SCFD2: variants seen among roughly 807,000 people sequenced by gnomAD.
SCFD2 encodes sec1 family domain-containing protein 2.
A neutral mutation model predicts 58.9 loss-of-function variants in SCFD2; 54 were observed. That is an observed-to-expected ratio of 0.92 (90% confidence interval 0.74 to 1.15). The LOEUF is 1.15. Among genes scored for constraint, SCFD2 ranks in the 50% most tolerant of loss-of-function variants. The pLI, the probability that SCFD2 is intolerant of heterozygous loss-of-function variation, is 0.00. For synonymous variants in SCFD2, 321 were observed against 335.9 expected (o/e 0.96, Z 0.49); for missense variants, 805 against 836.6 (o/e 0.96, Z 0.47).
chr4:52,924,846 T>G (rs993577956), intron 5 of SCFD2, among the ~76,000 whole-genome samples: 1 of 152,190 alleles, frequency 6.6e-6, no homozygotes, highest in Non-Finnish European at 1.5e-5. Flanking sequence ...AACTTCTCCA[T>G]GTATGCTGCC....
rs1726500658 is a variant in SCFD2 at position 53,151,388 on chromosome 4, G to A, written c.1312-5806C>T. 1.3e-5 allele frequency among the ~76,000 whole-genome samples: 2 copies of A among 152,166 alleles called. 1 individual carries two copies. Among genetic ancestry groups the A allele is most frequent in the South Asian group, 4.1e-4 (2 of 4,824 alleles). On this transcript the variant is annotated intron_variant, in intron 4 of 8. Transcript: ENST00000401642. ...TGTGTCTAGAGTGACAAAACCTTTT[G>A]TTTATCTGAAGTCTGGGGCTCCTGT...
chr4:53,177,415 G>C (rs1428674842), intron 4 of SCFD2, among the ~76,000 whole-genome samples: 2 of 140,444 alleles, frequency 1.4e-5, no homozygotes, highest in African/African-American at 5.3e-5. Flanking sequence ...TAGGAGAAGG[G>C]AGAGGGTATT....
intron 5 of SCFD2, among the ~76,000 whole-genome samples, chr4:52,970,920 A>G (rs1444210304): frequency 5.3e-5 from 8 of 152,144 alleles, no homozygotes; most frequent in Non-Finnish European, 1.2e-4. Context: ...CTAGAGTGGA[A>G]CTCCAGCAAA....
chr4:53,234,398 G>C (rs1199052143), intron 4 of SCFD2, among the ~76,000 whole-genome samples: 2 of 152,182 alleles, frequency 1.3e-5, no homozygotes, highest in African/African-American at 4.8e-5. Flanking sequence ...CTTGGAAGTA[G>C]TAAAGTTTAT....
intron 4 of SCFD2, among the ~76,000 whole-genome samples, chr4:53,235,326 A>G (rs905412933): frequency 2.0e-5 from 3 of 152,230 alleles, no homozygotes; most frequent in African/African-American, 7.2e-5. Context: ...ACTCTGGTAA[A>G]CCATGTAAAC....
chr4:53,150,334 C>T (rs1560358668), intron 4 of SCFD2, among the ~76,000 whole-genome samples: 1 of 152,092 alleles, frequency 6.6e-6, no homozygotes, highest in African/African-American at 2.4e-5. Context: ...GTAAAGTCTC[C>T]ATCAGTGGCA....
chr4:53,070,207 G>C (rs1387773637), intron 5 of SCFD2, among the ~76,000 whole-genome samples: 1 of 152,076 alleles, frequency 6.6e-6, no homozygotes, highest in Non-Finnish European at 1.5e-5. Flanking sequence ...TGCTTTCTTA[G>C]AGTTGGTTTT....
chr4:53,103,989 AATTG>A (rs1724914396), intron 5 of SCFD2, among the ~76,000 whole-genome samples: 4 of 151,938 alleles, frequency 2.6e-5, no homozygotes, highest in South Asian at 4.1e-4. Context: ...ATAAATAAAT[AATTG>A]ATTAAGTAAA....
chr4:53,332,556 G>A (rs1733518114), intron 2 of SCFD2, among the ~76,000 whole-genome samples: 1 of 152,196 alleles, frequency 6.6e-6, no homozygotes, highest in Non-Finnish European at 1.5e-5. Context: ...AACCCTTAAT[G>A]CTAAAAACTC....
chr4:53,304,294 G>C (rs111545178), intron 3 of SCFD2, among the ~76,000 whole-genome samples: 10,415 of 151,842 alleles, frequency 0.069, 523 homozygotes, highest in Non-Finnish European at 0.1. Context: ...TGAATCTGAC[G>C]TTTATGTGTC....
intron 4 of SCFD2, among the ~76,000 whole-genome samples, chr4:53,218,619 T>C (rs1440288075): frequency 6.6e-6 from 1 of 152,236 alleles, no homozygotes; most frequent in East Asian, 1.9e-4. Context: ...AGTTTGATCG[T>C]CTGAAGCCTT....
chr4:53,309,004 G>A (rs1443009442), intron 3 of SCFD2, among the ~76,000 whole-genome samples: 4 of 151,990 alleles, frequency 2.6e-5, no homozygotes, highest in African/African-American at 9.7e-5. Flanking sequence ...ATGGTGGCAT[G>A]GGCCTGTAAT....
chr4:52,924,635 A>G (rs777828152), intron 5 of SCFD2, among the ~76,000 whole-genome samples: 1 of 152,168 alleles, frequency 6.6e-6, no homozygotes, highest in Non-Finnish European at 1.5e-5. Context: ...ATTCATTTTT[A>G]TCAGTCTTTA....
chr4:53,159,197 A>C (rs1726779523), intron 4 of SCFD2, among the ~76,000 whole-genome samples: 2 of 152,334 alleles, frequency 1.3e-5, no homozygotes, highest in South Asian at 2.1e-4. Context: ...GAAAAAAATA[A>C]ACATTTATAA....
intron 5 of SCFD2, among the ~76,000 whole-genome samples, chr4:53,041,786 G>T (rs917618702): frequency 2.0e-5 from 3 of 152,110 alleles, no homozygotes; most frequent in African/African-American, 7.2e-5. Context: ...ATTACTTGTT[G>T]TTGGTGTTAA....
chr4:52,974,290 T>C (rs1163299596), intron 5 of SCFD2, among the ~76,000 whole-genome samples: 1 of 152,088 alleles, frequency 6.6e-6, no homozygotes, highest in Non-Finnish European at 1.5e-5. Context: ...CAGCCCAAAA[T>C]CTCCTTCAGC....
chr4:53,131,424 G>C (rs1577757465), intron 5 of SCFD2, among the ~76,000 whole-genome samples: 1 of 152,138 alleles, frequency 6.6e-6, no homozygotes, highest in Non-Finnish European at 1.5e-5. Context: ...GGGAGGTGCT[G>C]CCTACCATGG....
intron 4 of SCFD2, among the ~76,000 whole-genome samples, chr4:53,254,218 C>T (rs1189591297): frequency 6.6e-6 from 1 of 152,112 alleles, no homozygotes; most frequent in Admixed American, 6.5e-5. Flanking sequence ...CCCCATAATC[C>T]TCACGTGTCA....
intron 5 of SCFD2, chr4:52,950,309 C>T (rs1481413423): frequency 5.9e-5 from 9 of 152,160 alleles, no homozygotes; most frequent in East Asian, 1.9e-4. Flanking sequence ...TATGTCCCTT[C>T]GTTGGGAGTT....
Sources: allele counts gnomAD v4.1 joint callset (sites outside exome capture counted in the v4.1 genomes callset), GRCh38; gene constraint gnomAD v4.1.1; transcripts MANE v1.5; gene names NCBI Gene and HGNC (gene_info 2026-07-23, HGNC 2026-07-21).